Variants in PLD1 observed in about 807,000 individuals in gnomAD.
The protein encoded by PLD1 is choline phosphatase 1.
Under a neutral mutation model 137.1 loss-of-function variants are expected in PLD1, and 112 were observed. The ratio of observed to expected loss-of-function variants is 0.82; its 90% confidence interval spans 0.70 to 0.96. The LOEUF (loss-of-function observed/expected upper bound fraction) is 0.96, where lower values mean the gene tolerates loss of function less well. PLD1 is among the 40% of genes least tolerant of loss of function. PLD1 has a pLI of 0.00. For missense variants in PLD1, 1,321 were observed against 1,342.0 expected, an observed-to-expected ratio of 0.98 and a Z score of 0.24; for synonymous variants, 431 against 454.7, an observed-to-expected ratio of 0.95 and a Z score of 0.66.
chr3:171,676,859 C>T (rs1329911579), intron 17 of PLD1, 26 bp from the exon 18 acceptor site: 5 of 1,518,992 alleles, frequency 3.3e-6, no homozygotes, highest in African/African-American at 1.4e-5. Flanking sequence ...AGGCAAGGAT[C>T]AGTCATTAAC....
intron 23 of PLD1, among the ~76,000 whole-genome samples, chr3:171,621,000 C>A (rs548126106): frequency 6.6e-6 from 1 of 151,974 alleles, no homozygotes; most frequent in Non-Finnish European, 1.5e-5. Flanking sequence ...GTGTGCCAAA[C>A]CACCTGATGC....
At position 171,708,971 on chromosome 3, in the gene PLD1, G is replaced by T. The variant is rs1869648; in HGVS notation, c.1062-133C>A. 152,368 of 599,556 alleles carry T rather than the reference G, an allele frequency of 0.25. 22,451 individuals carry two copies. Among genetic ancestry groups the T allele is most frequent in the African/African-American group, 0.51 (27,182 of 53,746 alleles). The allele number at this position is 599,556 out of a possible 1,614,324, so 37.1% of individuals were successfully genotyped here. On this transcript the variant is annotated intron_variant, in intron 10 of 26. Coordinates refer to ENST00000351298, the MANE Select transcript of PLD1 (RefSeq NM_002662.5). ...ACACATAACCACCATTGACTTTGTG[G>T]ACCTGGAAAACAAGGATTGAAAATA...
rs896681971 is a variant in PLD1, at chr3:171,622,371, G to A, written c.2594-1851C>T. 8.5e-5 allele frequency among the ~76,000 whole-genome samples: 13 copies of A among 152,256 alleles called. No individual in the cohort carries two copies. In the East Asian group the frequency reaches 2.3e-3, roughly 27 times the overall value. On this transcript the variant is annotated intron_variant, in intron 23 of 26. Coordinates refer to ENST00000351298, the MANE Select transcript of PLD1 (RefSeq NM_002662.5). ...GGGGATATTGTTTCTGAATGACACT[G>A]CCATAGAGCTTTGATAATTATTTAA...
intron 20 of PLD1, among the ~76,000 whole-genome samples, chr3:171,660,401 C>A (rs1319221979): frequency 6.6e-6 from 1 of 152,110 alleles, no homozygotes; most frequent in Non-Finnish European, 1.5e-5. Context: ...CTTAGCATGC[C>A]TCAGCAGCTG....
rs1719274926 is a variant in PLD1 at position 171,735,340 on chromosome 3, T to C, written c.434+152A>G. The stretch of plus-strand genomic sequence containing the variant: ...TTATAGGGAGGAGGTCTTGCTACGT[T>C]ACACAGGCTAGTCTCAAACTCATGA... On this transcript the variant is annotated intron_variant, in intron 4 of 26. Coordinates refer to ENST00000351298, the MANE Select transcript of PLD1 (RefSeq NM_002662.5). The C allele has an allele frequency of 5.9e-6, 4 of 678,712 alleles. No homozygotes were observed. In the Admixed American group the frequency reaches 1.0e-4, roughly 17 times the overall value. The allele number at this position is 678,712 out of a possible 1,614,324, so 42.0% of individuals were successfully genotyped here.
At chr3:171,681,509 T>C (rs1713967225) in intron 16 of PLD1, among the ~76,000 whole-genome samples, 1 of 152,362 alleles carries the variant, frequency 6.6e-6, no homozygotes. Flanking sequence ...CCTGTTTTTC[T>C]ACCTTTTTAG....
At chr3:171,723,339 A>G (rs1165477856) in intron 8 of PLD1, among the ~76,000 whole-genome samples, 2 of 152,068 alleles carry the variant, frequency 1.3e-5, no homozygotes, top group East Asian at 3.8e-4. Context: ...GTACCCCATC[A>G]TGTGTATGTA....
In PLD1 at chr3:171,687,567, A is replaced by G; in HGVS notation, c.1557T>C (p.Ser519=). 1 of 1,613,750 alleles carries G rather than the reference A, an allele frequency of 6.2e-7. No individual in the cohort carries two copies. Among genetic ancestry groups the G allele is most frequent in the Non-Finnish European group, 8.5e-7 (1 of 1,179,802 alleles). ...TATCTTTGAGTCTTAAGGATTCCATAGACTCCATTGCGGCAGGCTGAGAAA... is the reference window on the plus strand; with the variant it reads ...TATCTTTGAGTCTTAAGGATTCCATGGACTCCATTGCGGCAGGCTGAGAAA... ...LGSLPPAAME[S]MESLRLKDKN... Residue 519 remains serine (S), a synonymous_variant, in exon 15 of 27, where the codon TCT becomes TCC. Coordinates refer to ENST00000351298, the MANE Select transcript of PLD1 (RefSeq NM_002662.5).
intron 21 of PLD1, among the ~76,000 whole-genome samples, chr3:171,647,835 T>C (rs75168122): frequency 6.6e-6 from 1 of 151,932 alleles, no homozygotes; most frequent in African/African-American, 2.4e-5. Flanking sequence ...CTTTTCAACA[T>C]CCCAGACAGA....
intron 13 of PLD1, among the ~76,000 whole-genome samples, chr3:171,690,613 AGT>A (rs1369646810): frequency 6.6e-6 from 1 of 152,088 alleles, no homozygotes; most frequent in Non-Finnish European, 1.5e-5. Context: ...CTTGTTTAAC[AGT>A]GTGTTATTTA....
chr3:171,773,904 G>A (rs1474350988), intron 1 of PLD1, among the ~76,000 whole-genome samples: 3 of 151,554 alleles, frequency 2.0e-5, no homozygotes, highest in East Asian at 2.0e-4. Flanking sequence ...GCCCGCCACC[G>A]CACCCAGCTA....
chr3:171,639,188 C>T (rs1272096605), intron 23 of PLD1, among the ~76,000 whole-genome samples: 4 of 143,242 alleles, frequency 2.8e-5, no homozygotes, highest in Non-Finnish European at 6.0e-5. Flanking sequence ...ATATAATATA[C>T]AATTTTATAT....
chr3:171,709,260 A>AG (rs1464535880), intron 10 of PLD1, among the ~76,000 whole-genome samples: 1 of 152,252 alleles, frequency 6.6e-6, no homozygotes, highest in African/African-American at 2.4e-5. Flanking sequence ...TTCCTAAATT[A>AG]GGGGTAATGA....
chr3:171,705,353 GA>G (rs1251305270), intron 11 of PLD1, among the ~76,000 whole-genome samples: 2 of 152,074 alleles, frequency 1.3e-5, no homozygotes, highest in Non-Finnish European at 2.9e-5. Context: ...CCAAACTGCT[GA>G]AAACTAAAGA....
intron 19 of PLD1, among the ~76,000 whole-genome samples, chr3:171,672,545 G>A (rs2108468113): frequency 6.6e-6 from 1 of 151,526 alleles, no homozygotes; most frequent in Middle Eastern, 3.4e-3. Context: ...TGGAATGCAG[G>A]GGTGCAATTA....
At chr3:171,616,184 T>A (rs79710326) in intron 24 of PLD1, among the ~76,000 whole-genome samples, 5,192 of 152,318 alleles carry the variant, frequency 0.034, 323 homozygotes, top group African/African-American at 0.12. Context: ...TCTTATTGAT[T>A]TATAGGAGTT....
At chr3:171,623,392 G>C (rs1733810877) in intron 23 of PLD1, among the ~76,000 whole-genome samples, 1 of 146,376 alleles carries the variant, frequency 6.8e-6, no homozygotes, top group African/African-American at 2.6e-5. Context: ...TCGACTCACT[G>C]CAAGCTCCGC....
At chr3:171,782,761 G>T (rs558819338) in intron 1 of PLD1, among the ~76,000 whole-genome samples, 5 of 152,304 alleles carry the variant, frequency 3.3e-5, no homozygotes, top group African/African-American at 1.2e-4. Flanking sequence ...GAGGAACAAA[G>T]ATATGAGGCA....
At chr3:171,630,835 A>T (rs1734596575) in intron 23 of PLD1, among the ~76,000 whole-genome samples, 1 of 126,298 alleles carries the variant, frequency 7.9e-6, no homozygotes, top group Non-Finnish European at 1.6e-5. Flanking sequence ...GGACACAGGA[A>T]GGGGAACATC....
Sources: gnomAD v4.1 joint callset for allele counts (sites outside exome capture counted in the v4.1 genomes callset) on GRCh38, gnomAD v4.1.1 for gene constraint, MANE v1.5 for transcripts, NCBI Gene and HGNC (gene_info 2026-07-23, HGNC 2026-07-21) for gene names.